ADAM18: variants seen among roughly 807,000 people sequenced by gnomAD.
The protein encoded by ADAM18 is disintegrin and metalloproteinase domain-containing protein 18.
Under a neutral mutation model 94.4 loss-of-function variants are expected in ADAM18, and 117 were observed. The observed-to-expected ratio is 1.24, with a 90% CI of 1.07 to 1.45. ADAM18 has a LOEUF of 1.45. Among genes scored for constraint, ADAM18 ranks in the 40% most tolerant of loss-of-function variants. ADAM18 has a pLI of 0.00. For missense variants in ADAM18, 936 were observed against 880.0 expected (o/e 1.06, Z -0.81); for synonymous variants, 327 against 291.6 (o/e 1.12, Z -1.24).
At chr8:39,614,940 C>T (rs138087523) in intron 6 of ADAM18, among the ~76,000 whole-genome samples, 15 of 152,220 alleles carry the variant, frequency 9.9e-5, no homozygotes, top group South Asian at 8.3e-4. Context: ...AACACTGGCA[C>T]GCCCAGATTC....
chr8:39,605,348 T>G (rs749938413), intron 2 of ADAM18, among the ~76,000 whole-genome samples: 2 of 152,164 alleles, frequency 1.3e-5, no homozygotes, highest in Non-Finnish European at 2.9e-5. Flanking sequence ...CACAATAGGA[T>G]CATGAGCATT....
intron 6 of ADAM18, among the ~76,000 whole-genome samples, chr8:39,620,357 C>CAAAAAAAAAAAAAAACCAAAAAA (rs1819574299): frequency 1.1e-5 from 1 of 90,568 alleles, no homozygotes; most frequent in Non-Finnish European, 2.1e-5. Flanking sequence ...GCAACAAAAG[C>CAAAAAAAAAAAAAAACCAAAAAA]AAAAAAAAAA....
chr8:39,603,652 T>C (rs1449495495), intron 2 of ADAM18, among the ~76,000 whole-genome samples: 1 of 152,228 alleles, frequency 6.6e-6, no homozygotes, highest in African/African-American at 2.4e-5. Context: ...GAAATAAACC[T>C]GCAACATCTC....
chr8:39,648,377 C>G lies in ADAM18; in HGVS notation c.1080C>G (p.Cys360Trp). Residue 360 changes from cysteine (C) to tryptophan (W), a missense_variant, in exon 12 of 20, where the codon TGC becomes TGG. Coordinates refer to ENST00000265707, the MANE Select transcript of ADAM18 (RefSeq NM_014237.3). ...SASGRKIFSN[C>W]SMHDYRYFVS... ...GTGGTAGAAAGATTTTTAGCAACTG[C>G]AGCATGCACGACTATAGATATTTTG... 1 of 1,604,182 alleles carries G rather than the reference C, an allele frequency of 6.2e-7. No homozygotes were observed. The highest frequency in any genetic ancestry group is 8.5e-7 in the Non-Finnish European group (1 of 1,175,760).
intron 7 of ADAM18, among the ~76,000 whole-genome samples, chr8:39,631,144 G>T (rs754924037): frequency 2.0e-5 from 3 of 151,748 alleles, no homozygotes; most frequent in Admixed American, 6.6e-5. Context: ...CTATTTTCTC[G>T]TAGTCTGTGG....
intron 2 of ADAM18, among the ~76,000 whole-genome samples, chr8:39,589,694 T>C (rs866208293): frequency 6.6e-6 from 1 of 151,988 alleles, no homozygotes; most frequent in Middle Eastern, 3.4e-3. Context: ...AGAAATAATT[T>C]TTAATTACTA....
At chr8:39,638,421 A>C (rs1481942319) in intron 9 of ADAM18, 44 bp from the exon 10 acceptor site, 3 of 1,328,150 alleles carry the variant, frequency 2.3e-6, no homozygotes, top group Non-Finnish European at 3.1e-6. Flanking sequence ...AAGCTTACAA[A>C]TTGTTTTGCA....
chr8:39,693,778 ATATGT>A (rs1349516955), intron 17 of ADAM18, among the ~76,000 whole-genome samples: 1 of 151,212 alleles, frequency 6.6e-6, no homozygotes, highest in Admixed American at 6.6e-5. Context: ...ATATTTCTAC[ATATGT>A]TATATTTTGT....
Position 39,586,803 on chromosome 8 carries a change from T to TC in ADAM18, c.132+1451_132+1452insC, listed in dbSNP as rs572485334. Reference sequence around the variant, plus strand: ...ATCTATCTATCTATCTATCTATCTATATCTATCTATCTATCATCTATTCTG... The same window carrying TC: ...ATCTATCTATCTATCTATCTATCTATCATCTATCTATCTATCATCTATTCTG... On this transcript the variant is annotated intron_variant, in intron 2 of 19. Transcript: ENST00000265707. Among the ~76,000 whole-genome samples, 4 of 101,968 alleles carry TC rather than the reference T, an allele frequency of 3.9e-5. No individual in the cohort carries two copies. In the South Asian group the frequency reaches 9.4e-4, roughly 24 times the overall value. The allele number at this position is 101,968 out of a possible 152,430, so 66.9% of individuals were successfully genotyped here. A position where few individuals can be genotyped will look rare whatever the true frequency, so the allele number is the denominator to read the frequency against.
chr8:39,672,572 A>G (rs1405467310), intron 14 of ADAM18, among the ~76,000 whole-genome samples: 3 of 152,086 alleles, frequency 2.0e-5, no homozygotes, highest in African/African-American at 7.2e-5. Flanking sequence ...TGACCAGGAG[A>G]CTGTGGAGAG....
chr8:39,674,336 T>C (rs577304883), intron 14 of ADAM18, among the ~76,000 whole-genome samples: 6 of 152,288 alleles, frequency 3.9e-5, no homozygotes, highest in South Asian at 2.1e-4. Context: ...ATATTTAAGA[T>C]AGTTAGTTCT....
At chr8:39,688,248 T>C (rs1821664897) in intron 16 of ADAM18, among the ~76,000 whole-genome samples, 1 of 152,188 alleles carries the variant, frequency 6.6e-6, no homozygotes, top group Non-Finnish European at 1.5e-5. Context: ...ACTTTTATTT[T>C]TAAGTTCAGG....
chr8:39,624,600 T>G (rs992812408), intron 6 of ADAM18, among the ~76,000 whole-genome samples: 2 of 152,212 alleles, frequency 1.3e-5, no homozygotes, highest in Non-Finnish European at 2.9e-5. Context: ...GATATGTTAT[T>G]TTGCTTAAGA....
At chr8:39,635,124 G>A (rs1820042828) in intron 7 of ADAM18, among the ~76,000 whole-genome samples, 1 of 152,142 alleles carries the variant, frequency 6.6e-6, no homozygotes, top group South Asian at 2.1e-4. Context: ...CAGCAAGAAG[G>A]CCCTCACCAG....
chr8:39,637,671 C>T lies in ADAM18; in HGVS notation c.795C>T (p.Ile265=). 2 of 1,611,240 alleles carry T rather than the reference C, an allele frequency of 1.2e-6. No homozygotes were observed. Among genetic ancestry groups the T allele is most frequent in the Non-Finnish European group, 8.5e-7 (1 of 1,178,558 alleles). Residue 265 remains isoleucine (I), a synonymous_variant, in exon 9 of 20, where the codon ATC becomes ATT. Coordinates refer to ENST00000265707, the MANE Select transcript of ADAM18 (RefSeq NM_014237.3). ...RFLAWKRDYL[I]LRPHDIAYLL... ...TGGCATGGAAACGGGACTATCTCAT[C>T]CTACGGCCCCATGACATAGCATACT...
intron 12 of ADAM18, among the ~76,000 whole-genome samples, chr8:39,653,115 A>C (rs1820582224): frequency 6.6e-6 from 1 of 152,094 alleles, no homozygotes; most frequent in Non-Finnish European, 1.5e-5. Flanking sequence ...ATAAAGATGG[A>C]TTGTATACTT....
intron 14 of ADAM18, among the ~76,000 whole-genome samples, chr8:39,669,667 G>T (rs1298393205): frequency 6.6e-6 from 1 of 151,848 alleles, no homozygotes; most frequent in African/African-American, 2.4e-5. Flanking sequence ...TGGCTGCATA[G>T]TATTCCATGG....
intron 4 of ADAM18, 47 bp downstream of exon 4, chr8:39,609,167 A>G (rs1334714840): frequency 1.6e-6 from 2 of 1,221,630 alleles, no homozygotes; most frequent in Non-Finnish European, 2.3e-6. Flanking sequence ...TTATATTATT[A>G]CCATTAGAAT....
At chr8:39,660,461 C>G (rs981421439) in intron 12 of ADAM18, among the ~76,000 whole-genome samples, 5 of 152,098 alleles carry the variant, frequency 3.3e-5, no homozygotes, top group Non-Finnish European at 7.4e-5. Flanking sequence ...ATATTAATAA[C>G]AGATAAAGTA....
Sources: allele counts gnomAD v4.1 joint callset (sites outside exome capture counted in the v4.1 genomes callset), GRCh38; gene constraint gnomAD v4.1.1; transcripts MANE v1.5; gene names NCBI Gene and HGNC (gene_info 2026-07-23, HGNC 2026-07-21).